Variants in SCFD1 observed in about 807,000 individuals in gnomAD.
The protein encoded by SCFD1 is sec1 family domain-containing protein 1.
SCFD1 carries 37 observed loss-of-function variants against 103.2 expected under a neutral mutation model. That is an observed-to-expected ratio of 0.36 (90% CI 0.28 to 0.47). The LOEUF (loss-of-function observed/expected upper bound fraction) is 0.47. SCFD1 is among the 20% of genes least tolerant of loss of function. SCFD1 has a pLI of 1.00. For missense variants in SCFD1, 639 were observed against 761.2 expected, an observed-to-expected ratio of 0.84 and a Z score of 1.89; for synonymous variants, 264 against 245.0, an observed-to-expected ratio of 1.08 and a Z score of -0.73.
intron 5 of SCFD1, 90 bp from the exon 6 acceptor site, chr14:30,639,687 T>C (rs1885074577): frequency 1.5e-6 from 2 of 1,309,604 alleles, no homozygotes. Context: ...TTTTTTCATT[T>C]CTACCATTGG....
At position 30,734,843 on chromosome 14, in the gene SCFD1, A is replaced by G. The variant is rs573736371; in HGVS notation, c.1890A>G (p.Thr630=). The G allele has an allele frequency of 1.9e-6, 3 of 1,612,002 alleles. No individual in the cohort carries two copies. Among genetic ancestry groups the G allele is most frequent in the Admixed American group, 1.7e-5 (1 of 60,022 alleles). The part of the protein sequence containing the change: ...LYGCSELFNA[T]QFIKQLSQLG... ...GCTGCAGTGAGCTTTTTAATGCTAC[A>G]CAGTTCATAAAACAGGTAAAGTATA... Residue 630 remains threonine, a synonymous_variant, in exon 24 of 25, where the codon ACA becomes ACG. Transcript: ENST00000458591.
At position 30,673,985 on chromosome 14, in the gene SCFD1, C is replaced by G; in HGVS notation, c.1148C>G (p.Thr383Arg). The change falls in exon 13 of 25, where the codon ACA (threonine) becomes AGA (arginine). Residue 383 changes from threonine to arginine, a missense_variant. By Grantham distance (71) the Thr-to-Arg change is moderately conservative. Transcript: ENST00000458591. The stretch of plus-strand genomic sequence containing the variant: ...CTTTCTGACAATACCGCTAAGCTAA[C>G]ATCAGCTGTTAGGTAAGTGAGCAGT... Reference protein sequence around the residue: ...SMLSDNTAKLTSAVSSLPELL... With the variant: ...SMLSDNTAKLRSAVSSLPELL... The G allele has an allele frequency of 6.2e-7, 1 of 1,612,770 alleles. No individual in the cohort carries two copies. Among genetic ancestry groups the G allele is most frequent in the Non-Finnish European group, 8.5e-7 (1 of 1,178,964 alleles).
chr14:30,665,435 A>G (rs1234259038), intron 10 of SCFD1, among the ~76,000 whole-genome samples: 1 of 152,204 alleles, frequency 6.6e-6, no homozygotes, highest in Admixed American at 6.5e-5. Context: ...CCACTGCAAA[A>G]ACATGCCAAA....
chr14:30,712,937 TTTTTATGTTTC>T lies in SCFD1; in HGVS notation c.1630-2985_1630-2975del, dbSNP rs1475928967. Among the ~76,000 whole-genome samples, 4 of 152,222 alleles carry T rather than the reference TTTTTATGTTTC, an allele frequency of 2.6e-5. No homozygotes were observed. The East Asian group carries it at 7.7e-4, about 29-fold the overall frequency. Reference sequence around the variant, plus strand: ...ACCCCTTTTACTGAAGCACACAGACTTTTTATGTTTCTAAAGACACATAAGTAACACTATTT... The same window carrying T: ...ACCCCTTTTACTGAAGCACACAGACTTAAAGACACATAAGTAACACTATTT... On this transcript the variant is annotated intron_variant, in intron 19 of 24. Transcript: ENST00000458591.
chr14:30,627,814 A>C (rs558571110), intron 1 of SCFD1, among the ~76,000 whole-genome samples: 1 of 150,996 alleles, frequency 6.6e-6, no homozygotes, highest in South Asian at 2.1e-4. Context: ...AAAAAAAAAA[A>C]CAGACAGACA....
intron 10 of SCFD1, among the ~76,000 whole-genome samples, chr14:30,668,150 A>G (rs1367979789): frequency 6.6e-6 from 1 of 152,198 alleles, no homozygotes; most frequent in Non-Finnish European, 1.5e-5. Context: ...TTCAAACTAT[A>G]CTACAAGGCT....
At chr14:30,711,858 C>T (rs184470905) in intron 19 of SCFD1, among the ~76,000 whole-genome samples, 8 of 151,868 alleles carry the variant, frequency 5.3e-5, no homozygotes, top group Non-Finnish European at 8.8e-5. Flanking sequence ...TTTAAAACAA[C>T]GTAGGGGAAT....
intron 1 of SCFD1, among the ~76,000 whole-genome samples, chr14:30,627,614 C>T (rs955256234): frequency 6.6e-6 from 1 of 151,766 alleles, no homozygotes; most frequent in South Asian, 2.1e-4. Context: ...GGCATGGCAG[C>T]GCATGCCTGT....
At chr14:30,734,551 T>C (rs1007454908) in intron 23 of SCFD1, 5 of 431,452 alleles carry the variant, frequency 1.2e-5, no homozygotes, top group Admixed American at 3.5e-5. Flanking sequence ...TAATAGGAAA[T>C]GGCACCAATA....
intron 10 of SCFD1, 44 bp from the exon 11 acceptor site, chr14:30,670,212 A>G: frequency 1.4e-6 from 2 of 1,465,952 alleles, no homozygotes; most frequent in Non-Finnish European, 1.9e-6. Context: ...TATTTTTATT[A>G]GACTTAGAAA....
intron 18 of SCFD1, 38 bp from the exon 19 acceptor site, chr14:30,707,952 T>C (rs766138307): frequency 2.9e-6 from 4 of 1,388,056 alleles, no homozygotes; most frequent in Non-Finnish European, 4.1e-6. Flanking sequence ...AGAGGCACTT[T>C]GTACTTAGAA....
intron 23 of SCFD1, among the ~76,000 whole-genome samples, chr14:30,734,071 G>T (rs535796220): frequency 3.3e-5 from 5 of 152,196 alleles, no homozygotes; most frequent in Admixed American, 1.3e-4. Context: ...CATGTATTCA[G>T]CCAACAATAT....
At chr14:30,659,730 T>A (rs751182239) in intron 10 of SCFD1, among the ~76,000 whole-genome samples, 80 of 152,194 alleles carry the variant, frequency 5.3e-4, no homozygotes, top group Non-Finnish European at 9.1e-4. Flanking sequence ...TGCTACTTAG[T>A]CTAACCCTCT....
chr14:30,642,004 A>G (rs1885324098), intron 6 of SCFD1, among the ~76,000 whole-genome samples: 1 of 152,220 alleles, frequency 6.6e-6, no homozygotes, highest in Admixed American at 6.5e-5. Flanking sequence ...TGTCAAAGAC[A>G]GTCTACTCAA....
At chr14:30,705,910 G>A (rs1891436306) in intron 18 of SCFD1, 25 bp downstream of exon 18, 7 of 1,586,484 alleles carry the variant, frequency 4.4e-6, no homozygotes, top group African/African-American at 1.3e-5. Context: ...TAATTCTTTT[G>A]CATCTTTGTA....
intron 10 of SCFD1, among the ~76,000 whole-genome samples, chr14:30,655,883 T>G (rs1886851022): frequency 6.6e-6 from 1 of 152,092 alleles, no homozygotes; most frequent in African/African-American, 2.4e-5. Context: ...ATCTCAGCAC[T>G]TGGGGAGGCC....
intron 1 of SCFD1, among the ~76,000 whole-genome samples, chr14:30,627,400 A>G (rs1453085071): frequency 6.6e-6 from 1 of 152,222 alleles, no homozygotes; most frequent in Non-Finnish European, 1.5e-5. Context: ...GATCTGTATG[A>G]AGGTTTTGTA....
chr14:30,695,722 G>C (rs1890650040), intron 15 of SCFD1, among the ~76,000 whole-genome samples: 1 of 151,808 alleles, frequency 6.6e-6, no homozygotes, highest in South Asian at 2.1e-4. Context: ...AATGAAGAAA[G>C]TTAGCCAGGC....
chr14:30,677,043 C>T (rs1267540982), intron 14 of SCFD1, among the ~76,000 whole-genome samples: 1 of 152,144 alleles, frequency 6.6e-6, no homozygotes, highest in East Asian at 1.9e-4. Context: ...ACCTCTTGGT[C>T]TTATAAAAGA....
Sources: gnomAD v4.1 joint callset for allele counts (sites outside exome capture counted in the v4.1 genomes callset) on GRCh38, gnomAD v4.1.1 for gene constraint, MANE v1.5 for transcripts, NCBI Gene and HGNC (gene_info 2026-07-23, HGNC 2026-07-21) for gene names.